LSM8: variants seen among roughly 807,000 people sequenced by gnomAD.
The protein encoded by LSM8 is LSM8 U6 small nuclear RNA associated.
In LSM8, 14 loss-of-function variants were observed where a neutral mutation model predicts 15.0. The observed-to-expected ratio is 0.93, with a 90% CI of 0.62 to 1.46. The LOEUF is 1.46. Ranked by LOEUF, LSM8 falls within the 40% of genes most tolerant of loss-of-function variation. The pLI, the probability that LSM8 is intolerant of heterozygous loss-of-function variation, is 0.00. For missense variants in LSM8, 90 were observed against 115.4 expected (o/e 0.78, Z 1.01); for synonymous variants, 50 against 42.1 (o/e 1.19, Z -0.73).
In LSM8 at chr7:118,202,588, T is replaced by C. The variant is rs1467130186; in HGVS notation, c.*10586T>C. Among the ~76,000 whole-genome samples the C allele has an allele frequency of 1.3e-5, 2 of 152,026 alleles. No homozygotes were observed. Among genetic ancestry groups the C allele is most frequent in the East Asian group, 3.8e-4 (2 of 5,196 alleles). ...ACCAGCAGACTATACTGGCAAAATA[T>C]ACTGCTTGAATGCCATTGGCCAGAT... is the stretch of plus-strand genomic sequence containing the variant. On this transcript the variant is annotated 3_prime_UTR_variant, in exon 4 of 4. Transcript: ENST00000249299.
rs1808919236 is a variant in LSM8, at chr7:118,188,334, A to G, written c.129A>G (p.Glu43=). 1.2e-6 allele frequency: 2 copies of G among 1,613,352 alleles called. No homozygotes were observed. The highest frequency in any genetic ancestry group is 1.7e-5 in the Admixed American group (1 of 60,014). The change falls in exon 3 of 4, where the codon GAA becomes GAG. Residue 43 remains glutamate (E), a synonymous_variant. Transcript: ENST00000249299. ...ATTTGATTTTGGATGAAAGCCATGAACGAGTATTCAGCTCTTCACAGGGGG... is the reference window on the plus strand; with the variant it reads ...ATTTGATTTTGGATGAAAGCCATGAGCGAGTATTCAGCTCTTCACAGGGGG... ...TINLILDESH[E]RVFSSSQGVE... is the part of the protein sequence containing the mutation.
rs1269225319 is a variant in LSM8, at chr7:118,192,945, A to T, written c.*943A>T. On this transcript the variant is annotated 3_prime_UTR_variant, in exon 4 of 4. Coordinates refer to ENST00000249299, the MANE Select transcript of LSM8 (RefSeq NM_016200.5). ...AAGAAACAATGTAAGTAGTGTTTAG[A>T]TATTCAGGCTAGTCCATAAAATTTC... is the stretch of plus-strand genomic sequence containing the variant. The T allele has an allele frequency of 6.6e-6, 1 of 152,154 alleles. No individual in the cohort carries two copies. The highest frequency in any genetic ancestry group is 1.5e-5 in the Non-Finnish European group (1 of 68,002). The allele number at this position is 152,154 out of a possible 1,614,324, so 9.4% of individuals were successfully genotyped here.
chr7:118,184,194 G>A lies in LSM8; in HGVS notation c.-30G>A. 1 of 1,543,628 alleles carries A rather than the reference G, an allele frequency of 6.5e-7. No homozygotes were observed. Among genetic ancestry groups the A allele is most frequent in the Admixed American group, 2.0e-5 (1 of 50,492 alleles). On this transcript the variant is annotated 5_prime_UTR_variant, in exon 1 of 4. Coordinates refer to ENST00000249299, the MANE Select transcript of LSM8 (RefSeq NM_016200.5). ...AGTTCTGCTTGCTGTCGGCACCGCT[G>A]CGTTACCCGGAACCGCCGGGCCGAA...
chr7:118,186,653 C>A (rs1039975766), intron 2 of LSM8, among the ~76,000 whole-genome samples: 1 of 152,194 alleles, frequency 6.6e-6, no homozygotes, highest in East Asian at 1.9e-4. Flanking sequence ...GAAACAAGTT[C>A]AGAGAAGGTG....
rs1449288740 is a variant in LSM8 at position 118,201,251 on chromosome 7, T to C, written c.*9249T>C. On this transcript the variant is annotated 3_prime_UTR_variant, in exon 4 of 4. Coordinates refer to ENST00000249299, the MANE Select transcript of LSM8 (RefSeq NM_016200.5). ...AAAGATCATCTAGCTGAATTTCCTT[T>C]ATATTAAAGAAGAGGAGAAAATCTT... Among the ~76,000 whole-genome samples, 6 of 152,084 alleles carry C rather than the reference T, an allele frequency of 3.9e-5. No homozygotes were observed. The highest frequency in any genetic ancestry group is 7.4e-5 in the Non-Finnish European group (5 of 67,994).
Position 118,197,917 on chromosome 7 carries a change from C to A in LSM8, c.*5915C>A, listed in dbSNP as rs1406419504. 6.6e-6 allele frequency among the ~76,000 whole-genome samples: 1 copy of A among 152,122 alleles called. No individual in the cohort carries two copies. The highest frequency in any genetic ancestry group is 2.4e-5 in the African/African-American group (1 of 41,422). On this transcript the variant is annotated 3_prime_UTR_variant, in exon 4 of 4. Transcript: ENST00000249299. ...AGCAGTTAGCACTCCCTAGAACATA[C>A]TAATTTGTCAATATTAATGATAGCT...
Position 118,194,015 on chromosome 7 carries a change from G to T in LSM8, c.*2013G>T, listed in dbSNP as rs185369344. On this transcript the variant is annotated 3_prime_UTR_variant, in exon 4 of 4. Transcript: ENST00000249299. ...GTTACAGAGGATGTGATGACAATATGCCAGATAATCTATGTAATTCTTTAT... is the reference window on the plus strand; with the variant it reads ...GTTACAGAGGATGTGATGACAATATTCCAGATAATCTATGTAATTCTTTAT... Among the ~76,000 whole-genome samples the T allele has an allele frequency of 6.5e-4, 99 of 152,218 alleles. No homozygotes were observed. Among genetic ancestry groups the T allele is most frequent in the Non-Finnish European group, 1.0e-3 (68 of 67,968 alleles).
rs1182306319 is a variant in LSM8 at position 118,195,593 on chromosome 7, A to G, written c.*3591A>G. 2.6e-5 allele frequency among the ~76,000 whole-genome samples: 4 copies of G among 152,220 alleles called. No individual in the cohort carries two copies. Among genetic ancestry groups the G allele is most frequent in the African/African-American group, 9.6e-5 (4 of 41,460 alleles). On this transcript the variant is annotated 3_prime_UTR_variant, in exon 4 of 4. Transcript: ENST00000249299. ...GAAATGTACAATAAAATTTGTTTCTATGTCAGCGAATATTCTTGACTCAAG... is the reference window on the plus strand; with the variant it reads ...GAAATGTACAATAAAATTTGTTTCTGTGTCAGCGAATATTCTTGACTCAAG...
intron 2 of LSM8, among the ~76,000 whole-genome samples, chr7:118,187,349 T>G (rs1292620551): frequency 3.3e-5 from 5 of 152,220 alleles, no homozygotes; most frequent in Non-Finnish European, 7.3e-5. Context: ...GCTAGACCCA[T>G]GTCTTCTTTT....
In LSM8 at chr7:118,197,278, C is replaced by G. The variant is rs1809096488; in HGVS notation, c.*5276C>G. ...CCAAATTGTTATTACATTTGAAATA[C>G]GTTAAAAAGAATCCAGGAGTCAGGG... On this transcript the variant is annotated 3_prime_UTR_variant, in exon 4 of 4. Coordinates refer to ENST00000249299, the MANE Select transcript of LSM8 (RefSeq NM_016200.5). 6.6e-6 allele frequency among the ~76,000 whole-genome samples: 1 copy of G among 150,694 alleles called. No homozygotes were observed. The highest frequency in any genetic ancestry group is 1.5e-5 in the Non-Finnish European group (1 of 67,838).
rs117960680 is a variant in LSM8, at chr7:118,197,270, T to C, written c.*5268T>C. On this transcript the variant is annotated 3_prime_UTR_variant, in exon 4 of 4. Transcript: ENST00000249299. ...GTATGGTACCAAATTGTTATTACATTTGAAATACGTTAAAAAGAATCCAGG... is the reference window on the plus strand; with the variant it reads ...GTATGGTACCAAATTGTTATTACATCTGAAATACGTTAAAAAGAATCCAGG... 8.6e-3 allele frequency among the ~76,000 whole-genome samples: 1,314 copies of C among 152,198 alleles called. 17 individuals carry two copies. Among genetic ancestry groups the C allele is most frequent in the South Asian group, 0.058 (281 of 4,820 alleles).
At chr7:118,190,696 G>A (rs1355205998) in intron 3 of LSM8, 2 of 152,110 alleles carry the variant, frequency 1.3e-5, no homozygotes, top group African/African-American at 4.8e-5. Context: ...GAGGCCTTTA[G>A]TTTGAGAAAA....
In LSM8 at chr7:118,197,140, CTCTT is replaced by C. The variant is rs1562864326; in HGVS notation, c.*5139_*5142del. 2.0e-5 allele frequency among the ~76,000 whole-genome samples: 3 copies of C among 151,620 alleles called. No individual in the cohort carries two copies. The highest frequency in any genetic ancestry group is 2.1e-4 in the South Asian group (1 of 4,818). ...CCTACAAGGATATGATACGCTTTCT[CTCTT>C]CTCTTTAGGGTAATGTTCAATTACA... On this transcript the variant is annotated 3_prime_UTR_variant, in exon 4 of 4. Coordinates refer to ENST00000249299, the MANE Select transcript of LSM8 (RefSeq NM_016200.5).
Position 118,202,531 on chromosome 7 carries a change from A to G in LSM8, c.*10529A>G, listed in dbSNP as rs1438148826. Among the ~76,000 whole-genome samples, 1 of 152,032 alleles carries G rather than the reference A, an allele frequency of 6.6e-6. No homozygotes were observed. Among genetic ancestry groups the G allele is most frequent in the Non-Finnish European group, 1.5e-5 (1 of 67,954 alleles). On this transcript the variant is annotated 3_prime_UTR_variant, in exon 4 of 4. Coordinates refer to ENST00000249299, the MANE Select transcript of LSM8 (RefSeq NM_016200.5). ...GATGAAATAGGAAAGTGAGATTATC[A>G]TATGGGAAAAATAAATGCTTTCCCA...
rs911768571 is a variant in LSM8 at position 118,196,678 on chromosome 7, C to CT, written c.*4685dup. ...TCATTTCCTTCTTTTTTTAATGTTT[C>CT]TTTTTTTTTAAGTCCTTTAATTTTT... is the stretch of plus-strand genomic sequence containing the variant. On this transcript the variant is annotated 3_prime_UTR_variant, in exon 4 of 4. Transcript: ENST00000249299. 9.4e-4 allele frequency among the ~76,000 whole-genome samples: 137 copies of CT among 145,906 alleles called. No individual in the cohort carries two copies. Among genetic ancestry groups the CT allele is most frequent in the African/African-American group, 3.2e-3 (127 of 39,952 alleles).
intron 3 of LSM8, chr7:118,191,642 A>T (rs1808983162): frequency 6.8e-6 from 2 of 293,376 alleles, no homozygotes; most frequent in Admixed American, 4.8e-5. Context: ...TTAAAGATTC[A>T]TGATACAATC....
intron 3 of LSM8, chr7:118,188,655 C>A: frequency 3.5e-6 from 1 of 283,642 alleles, no homozygotes. Flanking sequence ...GAGATTTGCC[C>A]ATTTTTCTAC....
At position 118,192,018 on chromosome 7, in the gene LSM8, T is replaced by C; in HGVS notation, c.*16T>C. On this transcript the variant is annotated 3_prime_UTR_variant, in exon 4 of 4. Coordinates refer to ENST00000249299, the MANE Select transcript of LSM8 (RefSeq NM_016200.5). The stretch of plus-strand genomic sequence containing the variant: ...AGCACACTGAGGAAAAACTACATAC[T>C]TGGACATCTGTAAATCTTTGTACAG... The C allele has an allele frequency of 6.4e-7, 1 of 1,561,760 alleles. No homozygotes were observed. The highest frequency in any genetic ancestry group is 8.8e-7 in the Non-Finnish European group (1 of 1,135,182).
chr7:118,188,136 G>T, intron 2 of LSM8, 142 bp from the exon 3 acceptor site: 1 of 871,984 alleles, frequency 1.1e-6, no homozygotes, highest in Non-Finnish European at 1.8e-6. Context: ...GAATACTGTT[G>T]GTTATAAAAA....
Sources: allele counts gnomAD v4.1 joint callset (sites outside exome capture counted in the v4.1 genomes callset), GRCh38; gene constraint gnomAD v4.1.1; transcripts MANE v1.5; gene names NCBI Gene and HGNC (gene_info 2026-07-23, HGNC 2026-07-21).